C4orf33: variants seen among roughly 807,000 people sequenced by gnomAD.
C4orf33 encodes chromosome 4 open reading frame 33.
Under a neutral mutation model 24.3 loss-of-function variants are expected in C4orf33, and 20 were observed. The ratio of observed to expected loss-of-function variants is 0.82; its 90% confidence interval spans 0.58 to 1.19. The LOEUF is 1.19. C4orf33 is among the 50% of genes most tolerant of loss of function. The pLI, the probability that C4orf33 is intolerant of heterozygous loss-of-function variation, is 0.00. For missense variants in C4orf33, 207 were observed against 225.9 expected (o/e 0.92, Z 0.54); for synonymous variants, 67 against 76.4 (o/e 0.88, Z 0.64).
Position 129,102,691 on chromosome 4 carries a change from C to T in C4orf33, c.81C>T (p.Asp27=). Residue 27 remains aspartate, a synonymous_variant, in exon 2 of 6, where the codon GAC becomes GAT. Transcript: ENST00000425929. ...TATTTATCAGGCTGAATCCAGGTGA[C>T]AGAGGAGTGATGATGGACATTAGTG... ...EPVFIRLNPG[D]RGVMMDISAP... 1 of 1,614,108 alleles carries T rather than the reference C, an allele frequency of 6.2e-7. No individual in the cohort carries two copies. Among genetic ancestry groups the T allele is most frequent in the Non-Finnish European group, 8.5e-7 (1 of 1,179,972 alleles).
intron 1 of C4orf33, among the ~76,000 whole-genome samples, chr4:129,097,027 A>G (rs371701474): frequency 1.6e-4 from 24 of 151,936 alleles, no homozygotes; most frequent in Non-Finnish European, 3.4e-4. Context: ...TTCTGCCTCA[A>G]CCTCCCGAGT....
At chr4:129,108,472 C>T (rs772848592) in intron 3 of C4orf33, among the ~76,000 whole-genome samples, 3 of 151,806 alleles carry the variant, frequency 2.0e-5, no homozygotes, top group African/African-American at 4.8e-5. Flanking sequence ...TGTTGAGGAC[C>T]GTGTGTGAAA....
chr4:129,106,191 T>C (rs976560207), intron 2 of C4orf33, among the ~76,000 whole-genome samples: 13 of 152,144 alleles, frequency 8.5e-5, no homozygotes, highest in African/African-American at 2.9e-4. Flanking sequence ...GATAATCATT[T>C]AGATCATTTC....
In C4orf33 at chr4:129,110,352, A is replaced by C. The variant is rs565157406; in HGVS notation, c.494+680A>C. 3.9e-5 allele frequency among the ~76,000 whole-genome samples: 6 copies of C among 152,308 alleles called. No individual in the cohort carries two copies. The East Asian group carries it at 1.2e-3, about 29-fold the overall frequency. On this transcript the variant is annotated intron_variant, in intron 5 of 5. Transcript: ENST00000425929. ...AGGCATTTGAGCCAAGTTATCTGCT[A>C]TGCTTTCTCAATTTGAGTCTTGTTT... is the stretch of plus-strand genomic sequence containing the variant.
At position 129,109,362 on chromosome 4, in the gene C4orf33, A is replaced by G. The variant is rs758317672; in HGVS notation, c.294+4A>G. 13 of 1,613,602 alleles carry G rather than the reference A, an allele frequency of 8.1e-6. No homozygotes were observed. Among genetic ancestry groups the G allele is most frequent in the Non-Finnish European group, 8.5e-7 (1 of 1,179,594 alleles). On this transcript the variant is annotated splice_donor_region_variant and intron_variant, in intron 4 of 5. Transcript: ENST00000425929. ...TGGAAGAAGAAATGTGTGGAAAGTAAGTAAATAAAAATAGGAGGCAAAATC... is the reference window on the plus strand; with the variant it reads ...TGGAAGAAGAAATGTGTGGAAAGTAGGTAAATAAAAATAGGAGGCAAAATC...
At chr4:129,097,845 C>T (rs954930766) in intron 1 of C4orf33, among the ~76,000 whole-genome samples, 1 of 152,152 alleles carries the variant, frequency 6.6e-6, no homozygotes, top group Non-Finnish European at 1.5e-5. Context: ...GTCAGACTTT[C>T]TGATCCTTGC....
chr4:129,095,499 T>C (rs957646521), upstream of C4orf33, among the ~76,000 whole-genome samples: 1 of 152,230 alleles, frequency 6.6e-6, no homozygotes, highest in African/African-American at 2.4e-5. Context: ...GAAATGTATG[T>C]AGTTTGTGTG....
rs1203145946 is a variant in C4orf33, at chr4:129,111,823, C to T, written c.*32C>T. On this transcript the variant is annotated 3_prime_UTR_variant, in exon 6 of 6. Transcript: ENST00000425929. The stretch of plus-strand genomic sequence containing the variant: ...TAGATAACCATACCGATCATTTTTT[C>T]CTCTATACCTTTTAAGATAAACAAA... 1.6e-6 allele frequency: 2 copies of T among 1,246,854 alleles called. No individual in the cohort carries two copies. Among genetic ancestry groups the T allele is most frequent in the Non-Finnish European group, 2.3e-6 (2 of 868,180 alleles). The allele number at this position is 1,246,854 out of a possible 1,614,324, so 77.2% of individuals were successfully genotyped here.
At chr4:129,105,340 C>T (rs1168335910) in intron 2 of C4orf33, among the ~76,000 whole-genome samples, 1 of 152,048 alleles carries the variant, frequency 6.6e-6, no homozygotes, top group Non-Finnish European at 1.5e-5. Context: ...GGGAAACCTG[C>T]TCTACTAAAA....
In C4orf33 at chr4:129,116,044, T is replaced by A. The variant is rs1753772956; in HGVS notation, c.*4253T>A. ...CAACTATCATTTTTCATGGAAGGAA[T>A]AGTAAAAAGAGTTACCTCTGAAGCT... On this transcript the variant is annotated 3_prime_UTR_variant, in exon 6 of 6. Coordinates refer to ENST00000425929, the MANE Select transcript of C4orf33 (RefSeq NM_001099783.2). 6.6e-6 allele frequency: 1 copy of A among 151,568 alleles called. No individual in the cohort carries two copies. The highest frequency in any genetic ancestry group is 1.9e-4 in the East Asian group (1 of 5,180). 9.4% of individuals were successfully genotyped at this position (151,568 alleles called of 1,614,324 possible). A position where few individuals can be genotyped will look rare whatever the true frequency, so the allele number is the denominator to read the frequency against.
upstream of C4orf33, chr4:129,096,065 T>C (rs925872764): frequency 3.3e-5 from 5 of 152,180 alleles, no homozygotes; most frequent in African/African-American, 1.2e-4. Flanking sequence ...AACATCTTTC[T>C]TTCCTAGAAA....
At position 129,115,801 on chromosome 4, in the gene C4orf33, A is replaced by AATATATATATATATAT. The variant is rs55749910; in HGVS notation, c.*4024_*4039dup. The AATATATATATATATAT allele has an allele frequency of 3.3e-5, 3 of 90,242 alleles. No individual in the cohort carries two copies. Among genetic ancestry groups the AATATATATATATATAT allele is most frequent in the African/African-American group, 1.3e-4 (3 of 23,368 alleles). The allele number at this position is 90,242 out of a possible 1,614,324, so 5.6% of individuals were successfully genotyped here. A position where few individuals can be genotyped will look rare whatever the true frequency, so the allele number is the denominator to read the frequency against. The stretch of plus-strand genomic sequence containing the variant: ...ATGTGCCTAACAAATCTTCTAACTA[A>AATATATATATATATAT]ATATATATATATATATATATATATA... On this transcript the variant is annotated 3_prime_UTR_variant, in exon 6 of 6. Transcript: ENST00000425929.
intron 1 of C4orf33, among the ~76,000 whole-genome samples, chr4:129,099,182 A>G (rs1022605227): frequency 2.0e-5 from 3 of 152,208 alleles, no homozygotes; most frequent in South Asian, 2.1e-4. Context: ...TTACTTTGGT[A>G]TAAGGATCCC....
chr4:129,113,041 A>G lies in C4orf33; in HGVS notation c.*1250A>G, dbSNP rs1753721490. 1 of 106,614 alleles carries G rather than the reference A, an allele frequency of 9.4e-6. No individual in the cohort carries two copies. Among genetic ancestry groups the G allele is most frequent in the African/African-American group, 2.6e-5 (1 of 37,938 alleles). 6.6% of individuals were successfully genotyped at this position (106,614 alleles called of 1,614,324 possible). A position where few individuals can be genotyped will look rare whatever the true frequency, so the allele number is the denominator to read the frequency against. On this transcript the variant is annotated 3_prime_UTR_variant, in exon 6 of 6. Transcript: ENST00000425929. ...AAATGCATATAAAACTATCAAAATAAAAACAAGATATATTTTAGAGCATCT... is the reference window on the plus strand; with the variant it reads ...AAATGCATATAAAACTATCAAAATAGAAACAAGATATATTTTAGAGCATCT...
chr4:129,099,783 G>A (rs1248246575), intron 1 of C4orf33, among the ~76,000 whole-genome samples: 4 of 152,164 alleles, frequency 2.6e-5, no homozygotes, highest in Non-Finnish European at 5.9e-5. Flanking sequence ...ATTACAGAGG[G>A]AGAATCATCT....
At chr4:129,099,965 A>C (rs2125799271) in intron 1 of C4orf33, among the ~76,000 whole-genome samples, 1 of 152,256 alleles carries the variant, frequency 6.6e-6, no homozygotes, top group African/African-American at 2.4e-5. Flanking sequence ...TAAGAAACGA[A>C]AGTTGTTTAT....
intron 2 of C4orf33, among the ~76,000 whole-genome samples, chr4:129,103,735 A>T (rs1375530579): frequency 6.6e-6 from 1 of 152,146 alleles, no homozygotes; most frequent in Non-Finnish European, 1.5e-5. Context: ...ACACTTATGA[A>T]TTGGGCCACC....
At chr4:129,109,802 A>T in intron 5 of C4orf33, 130 bp downstream of exon 5, 1 of 880,046 alleles carries the variant, frequency 1.1e-6, no homozygotes, top group Non-Finnish European at 1.7e-6. Flanking sequence ...GTAGAGTCCA[A>T]TGTTCACTGA....
At position 129,113,699 on chromosome 4, in the gene C4orf33, T is replaced by C. The variant is rs141378099; in HGVS notation, c.*1908T>C. On this transcript the variant is annotated 3_prime_UTR_variant, in exon 6 of 6. Coordinates refer to ENST00000425929, the MANE Select transcript of C4orf33 (RefSeq NM_001099783.2). ...CTCCAGGAAAGTGTAAGTCACAGTC[T>C]GAAGGGAAATGTGCTTTTTATTTTT... 8.7e-4 allele frequency: 133 copies of C among 152,320 alleles called. No individual in the cohort carries two copies. Among genetic ancestry groups the C allele is most frequent in the African/African-American group, 3.0e-3 (123 of 41,570 alleles). 9.4% of individuals were successfully genotyped at this position (152,320 alleles called of 1,614,324 possible).
Sources: allele counts gnomAD v4.1 joint callset (sites outside exome capture counted in the v4.1 genomes callset), GRCh38; gene constraint gnomAD v4.1.1; transcripts MANE v1.5; gene names NCBI Gene and HGNC (gene_info 2026-07-23, HGNC 2026-07-21).